The following CRPPA variants were observed in gnomAD, a reference collection of about 807,000 sequenced individuals.
CRPPA encodes the protein CDP-L-ribitol pyrophosphorylase A, also known as D-ribitol-5-phosphate cytidylyltransferase.
CRPPA carries 43 observed loss-of-function variants against 52.0 expected under a neutral mutation model. The observed-to-expected ratio is 0.83, with a 90% CI of 0.65 to 1.07. The LOEUF (loss-of-function observed/expected upper bound fraction) is 1.07, where lower values mean the gene tolerates loss of function less well. Among genes scored for constraint, CRPPA ranks in the 50% least tolerant of loss-of-function variants. The pLI is 0.00. For missense variants in CRPPA, 629 were observed against 551.7 expected, an observed-to-expected ratio of 1.14 and a Z score of -1.40; for synonymous variants, 250 against 203.5, an observed-to-expected ratio of 1.23 and a Z score of -1.94.
chr7:16,227,327 G>A (rs926345216), intron 8 of CRPPA, among the ~76,000 whole-genome samples: 1 of 151,670 alleles, frequency 6.6e-6, no homozygotes, highest in Non-Finnish European at 1.5e-5. Context: ...TTTCTATAAT[G>A]GCTGTGGTAA....
At chr7:16,366,041 G>A (rs1315716250) in intron 3 of CRPPA, among the ~76,000 whole-genome samples, 2 of 152,162 alleles carry the variant, frequency 1.3e-5, no homozygotes, top group African/African-American at 4.8e-5. Flanking sequence ...CTCATAATTC[G>A]AGAGGCTGGG....
chr7:16,347,325 A>G (rs1402366045), intron 3 of CRPPA, among the ~76,000 whole-genome samples: 3 of 152,130 alleles, frequency 2.0e-5, no homozygotes, highest in Non-Finnish European at 2.9e-5. Context: ...TGCATTATCA[A>G]AACATTAGTA....
intron 8 of CRPPA, among the ~76,000 whole-genome samples, chr7:16,246,767 C>T (rs1442440395): frequency 6.6e-6 from 1 of 152,192 alleles, no homozygotes; most frequent in Admixed American, 6.5e-5. Context: ...TTAAAATATT[C>T]AGTAAACCAT....
At chr7:16,114,829 A>G (rs1385250258) in intron 9 of CRPPA, among the ~76,000 whole-genome samples, 1 of 152,144 alleles carries the variant, frequency 6.6e-6, no homozygotes, top group Non-Finnish European at 1.5e-5. Flanking sequence ...AGAAGAGAGC[A>G]GCATTGAATT....
At chr7:16,171,068 C>CGCCAAG (rs773131449) in intron 9 of CRPPA, among the ~76,000 whole-genome samples, 31 of 152,342 alleles carry the variant, frequency 2.0e-4, no homozygotes, top group Non-Finnish European at 3.5e-4. Flanking sequence ...TCAGAGTGGA[C>CGCCAAG]GCCAAGGCCA....
At chr7:16,315,087 T>G (rs1785117090) in intron 3 of CRPPA, among the ~76,000 whole-genome samples, 1 of 152,178 alleles carries the variant, frequency 6.6e-6, no homozygotes, top group Non-Finnish European at 1.5e-5. Flanking sequence ...TTTTCAGTTT[T>G]GCAAATTTCT....
intron 9 of CRPPA, among the ~76,000 whole-genome samples, chr7:16,163,237 G>A (rs1240704125): frequency 6.6e-6 from 1 of 151,964 alleles, no homozygotes; most frequent in Non-Finnish European, 1.5e-5. Context: ...GCCTCCCAAA[G>A]TGCTGGGATT....
At chr7:16,136,652 A>T (rs1782767569) in intron 9 of CRPPA, among the ~76,000 whole-genome samples, 1 of 152,228 alleles carries the variant, frequency 6.6e-6, no homozygotes, top group Admixed American at 6.5e-5. Flanking sequence ...GGGCACAAAC[A>T]TCTTTATTTC....
At chr7:16,389,009 T>G (rs1480700270) in intron 2 of CRPPA, among the ~76,000 whole-genome samples, 1 of 152,036 alleles carries the variant, frequency 6.6e-6, no homozygotes, top group East Asian at 1.9e-4. Context: ...TCCAGCAAAT[T>G]AGAAAAGTGA....
intron 8 of CRPPA, among the ~76,000 whole-genome samples, chr7:16,224,120 C>G (rs1183583172): frequency 6.6e-6 from 1 of 151,834 alleles, no homozygotes; most frequent in Non-Finnish European, 1.5e-5. Flanking sequence ...AGCCTCATGG[C>G]TTTGTGGGTG....
chr7:16,402,599 A>C (rs1030454749), intron 2 of CRPPA, among the ~76,000 whole-genome samples: 1 of 152,192 alleles, frequency 6.6e-6, no homozygotes, highest in Non-Finnish European at 1.5e-5. Flanking sequence ...GATAAAAAAC[A>C]GAAAGGAGAT....
intron 6 of CRPPA, among the ~76,000 whole-genome samples, chr7:16,264,590 A>G (rs1334925766): frequency 1.3e-5 from 2 of 152,200 alleles, no homozygotes; most frequent in Admixed American, 1.3e-4. Flanking sequence ...CCCATGAGTC[A>G]GAAGTTCAAA....
intron 3 of CRPPA, among the ~76,000 whole-genome samples, 181 bp from the exon 4 acceptor site, chr7:16,308,808 A>G (rs980692543): frequency 1.3e-5 from 2 of 152,254 alleles, no homozygotes; most frequent in African/African-American, 4.8e-5. Context: ...GAATAGGAAT[A>G]CTGCAACCAT....
intron 9 of CRPPA, chr7:16,208,912 G>T: frequency 3.5e-6 from 1 of 289,106 alleles, no homozygotes; most frequent in South Asian, 3.7e-5. Flanking sequence ...AGAAAGATTT[G>T]AGTCTTTCCA....
At chr7:16,348,590 T>C (rs1470563457) in intron 3 of CRPPA, among the ~76,000 whole-genome samples, 1 of 152,164 alleles carries the variant, frequency 6.6e-6, no homozygotes, top group Non-Finnish European at 1.5e-5. Context: ...GACATGAAAA[T>C]ATAAGGGCTA....
At chr7:16,220,887 T>C (rs534157434) in intron 8 of CRPPA, among the ~76,000 whole-genome samples, 3 of 152,284 alleles carry the variant, frequency 2.0e-5, no homozygotes, top group East Asian at 3.9e-4. Context: ...ATTTACAGAT[T>C]CAATGCCATC....
At chr7:16,398,134 T>G (rs1275539925) in intron 2 of CRPPA, among the ~76,000 whole-genome samples, 1 of 152,028 alleles carries the variant, frequency 6.6e-6, no homozygotes. Context: ...TATTCGCACT[T>G]GACTGACACA....
intron 8 of CRPPA, among the ~76,000 whole-genome samples, chr7:16,251,439 A>T (rs7802994): frequency 0.11 from 16,966 of 152,188 alleles, 1,401 homozygotes; most frequent in African/African-American, 0.22. Flanking sequence ...TCTCAGCACC[A>T]CATCACACTT....
At chr7:16,114,295 T>TACACATACAC (rs1554272194) in intron 9 of CRPPA, among the ~76,000 whole-genome samples, 5 of 147,144 alleles carry the variant, frequency 3.4e-5, no homozygotes, top group Admixed American at 2.0e-4. Flanking sequence ...CACGCACACA[T>TACACATACAC]ACACACACAC....
Sources: allele counts gnomAD v4.1 joint callset (sites outside exome capture counted in the v4.1 genomes callset), GRCh38; gene constraint gnomAD v4.1.1; transcripts MANE v1.5; gene names NCBI Gene and HGNC (gene_info 2026-07-23, HGNC 2026-07-21).